Variants in TRIM7 observed in about 807,000 individuals in gnomAD.
TRIM7 encodes the protein E3 ubiquitin-protein ligase TRIM7.
In TRIM7, 32 loss-of-function variants were observed where a neutral mutation model predicts 37.9. That is an observed-to-expected ratio of 0.84 (90% CI 0.64 to 1.13). TRIM7 has a LOEUF of 1.13. Ranked by LOEUF, TRIM7 falls within the 50% of genes most tolerant of loss-of-function variation. The pLI is 0.00. For synonymous variants in TRIM7, 351 were observed against 321.3 expected (o/e 1.09, Z -0.99); for missense variants, 732 against 714.0 (o/e 1.03, Z -0.29).
rs977167418 is a variant in TRIM7, at chr5:181,194,085, G to C, written c.*1081C>G. On this transcript the variant is annotated 3_prime_UTR_variant, in exon 7 of 7. Coordinates refer to ENST00000274773, the MANE Select transcript of TRIM7 (RefSeq NM_203293.3). ...GGCTGGCCAGGGGAATGCCCTCCAG[G>C]GCATGGGCTGAGAAGGCCTTGGCAC... 1.3e-5 allele frequency: 2 copies of C among 152,314 alleles called. No homozygotes were observed. The highest frequency in any genetic ancestry group is 4.8e-5 in the African/African-American group (2 of 41,468). The allele number at this position is 152,314 out of a possible 1,614,324, so 9.4% of individuals were successfully genotyped here.
chr5:181,199,504 T>C, intron 3 of TRIM7: 1 of 476,722 alleles, frequency 2.1e-6, no homozygotes, highest in Non-Finnish European at 3.7e-6. Context: ...TTAACCCATC[T>C]ATGGATTGTG....
Position 181,194,997 on chromosome 5 carries a change from G to C in TRIM7, c.*169C>G, listed in dbSNP as rs369257262. The C allele has an allele frequency of 5.3e-6, 4 of 759,382 alleles. No homozygotes were observed. The highest frequency in any genetic ancestry group is 8.3e-6 in the Non-Finnish European group (4 of 482,628). 47.0% of individuals were successfully genotyped at this position (759,382 alleles called of 1,614,324 possible). ...GTCCAAAGCCCCTGTTCCCCTGCTC[G>C]GTTGGCCACAGTCACTCTCCTGCCT... is the stretch of plus-strand genomic sequence containing the variant. On this transcript the variant is annotated 3_prime_UTR_variant, in exon 7 of 7. Transcript: ENST00000274773.
chr5:181,194,330 G>C lies in TRIM7; in HGVS notation c.*836C>G, dbSNP rs1756970331. Reference sequence around the variant, plus strand: ...GAAACTGGAGGATCACTTGAGGCCAGGAGTTCAAGACCAGCCTGGGCAACA... The same window carrying C: ...GAAACTGGAGGATCACTTGAGGCCACGAGTTCAAGACCAGCCTGGGCAACA... On this transcript the variant is annotated 3_prime_UTR_variant, in exon 7 of 7. Coordinates refer to ENST00000274773, the MANE Select transcript of TRIM7 (RefSeq NM_203293.3). The C allele has an allele frequency of 6.6e-6, 1 of 152,326 alleles. No individual in the cohort carries two copies. Among genetic ancestry groups the C allele is most frequent in the South Asian group, 2.1e-4 (1 of 4,828 alleles). 9.4% of individuals were successfully genotyped at this position (152,326 alleles called of 1,614,324 possible).
chr5:181,195,035 T>C lies in TRIM7; in HGVS notation c.*131A>G. On this transcript the variant is annotated 3_prime_UTR_variant, in exon 7 of 7. Transcript: ENST00000274773. ...CACTCTCCTGCCTCGGGGTTGTGTC[T>C]GTAGCAGGCTCTCTTGGGCAGCAGG... is the stretch of plus-strand genomic sequence containing the variant. 1 of 1,185,854 alleles carries C rather than the reference T, an allele frequency of 8.4e-7. No homozygotes were observed. The highest frequency in any genetic ancestry group is 1.2e-6 in the Non-Finnish European group (1 of 851,146). The allele number at this position is 1,185,854 out of a possible 1,614,324, so 73.5% of individuals were successfully genotyped here.
chr5:181,195,690 A>T lies in TRIM7; in HGVS notation c.1025-13T>A. ...AAGGTGAGCTCCACTGCAGACAGAG[A>T]CAGGGAGAAATGTCCCCACGCAGCC... On this transcript the variant is annotated splice_polypyrimidine_tract_variant and intron_variant, in intron 6 of 6. Coordinates refer to ENST00000274773, the MANE Select transcript of TRIM7 (RefSeq NM_203293.3). 1 of 1,511,086 alleles carries T rather than the reference A, an allele frequency of 6.6e-7. No individual in the cohort carries two copies. Among genetic ancestry groups the T allele is most frequent in the Non-Finnish European group, 8.9e-7 (1 of 1,128,326 alleles). 93.6% of individuals were successfully genotyped at this position (1,511,086 alleles called of 1,614,324 possible).
intron 2 of TRIM7, chr5:181,203,116 A>T (rs1274465477): frequency 6.1e-6 from 2 of 330,160 alleles, no homozygotes; most frequent in Non-Finnish European, 8.8e-6. Context: ...GTGAACATGA[A>T]ATTTTTTTCA....
chr5:181,198,089 C>G, intron 6 of TRIM7, 94 bp downstream of exon 6: 1 of 1,421,040 alleles, frequency 7.0e-7, no homozygotes, highest in Non-Finnish European at 9.8e-7. Context: ...CTGAAGGAAC[C>G]GACCATATGC....
chr5:181,197,677 G>C (rs1310188367), intron 6 of TRIM7: 1 of 161,658 alleles, frequency 6.2e-6, no homozygotes, highest in Non-Finnish European at 1.3e-5. Context: ...AGGTGTTTTA[G>C]GTGGCACCCA....
In TRIM7 at chr5:181,200,527, C is replaced by A. The variant is rs544088148; in HGVS notation, c.619-446G>T. On this transcript the variant is annotated intron_variant, in intron 2 of 6. Transcript: ENST00000274773. ...ACTTCACTTTCTTTTTAAAGGCCAT[C>A]TTTCCTGTTTAGCAGTTATAATGCT... 20 of 1,054,576 alleles carry A rather than the reference C, an allele frequency of 1.9e-5. No homozygotes were observed. The African/African-American group carries it at 3.2e-4, about 17-fold the overall frequency. The allele number at this position is 1,054,576 out of a possible 1,614,324, so 65.3% of individuals were successfully genotyped here.
chr5:181,201,468 G>A (rs947986577), intron 2 of TRIM7, among the ~76,000 whole-genome samples: 1 of 152,170 alleles, frequency 6.6e-6, no homozygotes, highest in Non-Finnish European at 1.5e-5. Flanking sequence ...CAAAGAACAG[G>A]TAGAGCTCAC....
At chr5:181,204,523 C>T (rs1324501733) in intron 1 of TRIM7, 66 bp downstream of exon 1, 2 of 1,302,954 alleles carry the variant, frequency 1.5e-6, no homozygotes, top group Non-Finnish European at 1.9e-6. Context: ...GCACCCCGTG[C>T]GCGGGAGCGC....
intron 2 of TRIM7, chr5:181,200,954 T>G: frequency 1.0e-6 from 1 of 984,278 alleles, no homozygotes; most frequent in African/African-American, 1.7e-5. Context: ...CTTATGGATA[T>G]TAACTCCCTC....
Position 181,205,018 on chromosome 5 carries a change from G to A in TRIM7, c.93C>T (p.Ile31=). The change falls in exon 1 of 7, where the codon ATC becomes ATT. Residue 31 remains isoleucine, a synonymous_variant. Coordinates refer to ENST00000274773, the MANE Select transcript of TRIM7 (RefSeq NM_203293.3). The part of the protein sequence containing the change: ...AELQGEATCS[I]CLELFREPVS... ...CCGGCTCACGAAAGAGCTCTAGGCAGATGGAGCACGTCGCCTCGCCCTGCA... is the reference window on the plus strand; with the variant it reads ...CCGGCTCACGAAAGAGCTCTAGGCAAATGGAGCACGTCGCCTCGCCCTGCA... 1 of 1,470,258 alleles carries A rather than the reference G, an allele frequency of 6.8e-7. No homozygotes were observed. Among genetic ancestry groups the A allele is most frequent in the Non-Finnish European group, 8.9e-7 (1 of 1,118,966 alleles). The allele number at this position is 1,470,258 out of a possible 1,614,324, so 91.1% of individuals were successfully genotyped here. A position where few individuals can be genotyped will look rare whatever the true frequency, so the allele number is the denominator to read the frequency against.
At position 181,198,708 on chromosome 5, in the gene TRIM7, T is replaced by C. The variant is rs201350955; in HGVS notation, c.970A>G (p.Met324Val). 110 of 1,613,570 alleles carry C rather than the reference T, an allele frequency of 6.8e-5. No individual in the cohort carries two copies. Among genetic ancestry groups the C allele is most frequent in the Non-Finnish European group, 8.9e-5 (105 of 1,179,612 alleles). The change falls in exon 5 of 7, where the codon ATG becomes GTG. Residue 324 changes from methionine to valine, a missense_variant. By Grantham distance (21) the Met-to-Val change is conservative. Transcript: ENST00000274773. ...VSLKTFVLKG[M>V]LKKFKEDLRG... ...CCCCTACCTTTGAACTTCTTCAGCA[T>C]CCCTTTTAAGACAAAGGTCTTGAGA...
At position 181,194,906 on chromosome 5, in the gene TRIM7, G is replaced by A. The variant is rs1425278322; in HGVS notation, c.*260C>T. 5 of 431,698 alleles carry A rather than the reference G, an allele frequency of 1.2e-5. No individual in the cohort carries two copies. Among genetic ancestry groups the A allele is most frequent in the South Asian group, 4.7e-5 (1 of 21,108 alleles). 26.7% of individuals were successfully genotyped at this position (431,698 alleles called of 1,614,324 possible). A position where few individuals can be genotyped will look rare whatever the true frequency, so the allele number is the denominator to read the frequency against. On this transcript the variant is annotated 3_prime_UTR_variant, in exon 7 of 7. Coordinates refer to ENST00000274773, the MANE Select transcript of TRIM7 (RefSeq NM_203293.3). ...GGAGAGCTGGGCTCCTGACCTCACC[G>A]GCCTCCACCTCCTGAAGGCTCTGGC...
Position 181,195,004 on chromosome 5 carries a change from C to T in TRIM7, c.*162G>A. ...GCCCCTGTTCCCCTGCTCGGTTGGC[C>T]ACAGTCACTCTCCTGCCTCGGGGTT... On this transcript the variant is annotated 3_prime_UTR_variant, in exon 7 of 7. Transcript: ENST00000274773. The T allele has an allele frequency of 1.1e-6, 1 of 872,736 alleles. No homozygotes were observed. Among genetic ancestry groups the T allele is most frequent in the Non-Finnish European group, 1.7e-6 (1 of 581,662 alleles). 54.1% of individuals were successfully genotyped at this position (872,736 alleles called of 1,614,324 possible). A position where few individuals can be genotyped will look rare whatever the true frequency, so the allele number is the denominator to read the frequency against.
In TRIM7 at chr5:181,194,985, G is replaced by T; in HGVS notation, c.*181C>A. 1.5e-6 allele frequency: 1 copy of T among 689,006 alleles called. No homozygotes were observed. Among genetic ancestry groups the T allele is most frequent in the Non-Finnish European group, 2.4e-6 (1 of 422,726 alleles). The allele number at this position is 689,006 out of a possible 1,614,324, so 42.7% of individuals were successfully genotyped here. A position where few individuals can be genotyped will look rare whatever the true frequency, so the allele number is the denominator to read the frequency against. On this transcript the variant is annotated 3_prime_UTR_variant, in exon 7 of 7. Transcript: ENST00000274773. ...ACACCCTCAGGAGTCCAAAGCCCCT[G>T]TTCCCCTGCTCGGTTGGCCACAGTC...
At chr5:181,200,823 C>T in intron 2 of TRIM7, 1 of 985,572 alleles carries the variant, frequency 1.0e-6, no homozygotes, top group Non-Finnish European at 1.2e-6. Flanking sequence ...AGTTCCTCTT[C>T]CTTAAAACTC....
chr5:181,197,549 G>A (rs1394042871), intron 6 of TRIM7: 1 of 153,240 alleles, frequency 6.5e-6, no homozygotes, highest in South Asian at 2.1e-4. Flanking sequence ...TGGAGTAGAA[G>A]GGGTGTGCAG....
Sources: allele counts gnomAD v4.1 joint callset (sites outside exome capture counted in the v4.1 genomes callset), GRCh38; gene constraint gnomAD v4.1.1; transcripts MANE v1.5; gene names NCBI Gene and HGNC (gene_info 2026-07-23, HGNC 2026-07-21).